Variants in CEP57L1 observed in about 807,000 individuals in gnomAD.
CEP57L1 encodes the protein centrosomal protein 57 like 1, also known as centrosomal protein CEP57L1.
In CEP57L1, 37 loss-of-function variants were observed where a neutral mutation model predicts 61.0. That is an observed-to-expected ratio of 0.61 (90% CI 0.47 to 0.80). The LOEUF is 0.80. Among genes scored for constraint, CEP57L1 ranks in the 30% least tolerant of loss-of-function variants. The pLI, the probability that CEP57L1 is intolerant of heterozygous loss-of-function variation, is 0.00. For missense variants in CEP57L1, 422 were observed against 524.7 expected, an observed-to-expected ratio of 0.80 and a Z score of 1.91; for synonymous variants, 137 against 162.3, an observed-to-expected ratio of 0.84 and a Z score of 1.19.
chr6:109,113,127 T>C (rs191837795), intron 1 of CEP57L1, among the ~76,000 whole-genome samples: 183 of 152,256 alleles, frequency 1.2e-3, no homozygotes, highest in African/African-American at 4.2e-3. Flanking sequence ...TCTCCCACTG[T>C]TATTGTGTGG....
chr6:109,095,191 C>G, upstream of CEP57L1: 1 of 985,510 alleles, frequency 1.0e-6, no homozygotes, highest in Non-Finnish European at 1.2e-6. Context: ...TAAGCTTGCG[C>G]CCTGAGGCGG....
intron 1 of CEP57L1, among the ~76,000 whole-genome samples, chr6:109,144,411 A>G (rs1291396670): frequency 6.6e-6 from 1 of 152,148 alleles, no homozygotes; most frequent in African/African-American, 2.4e-5. Context: ...ATTTTTTTGT[A>G]AGCAGTTATC....
chr6:109,146,407 T>C (rs1451422796), intron 2 of CEP57L1, among the ~76,000 whole-genome samples: 2 of 151,992 alleles, frequency 1.3e-5, no homozygotes, highest in African/African-American at 4.8e-5. Context: ...AATTATATTT[T>C]AATGTTCTTA....
At position 109,163,090 on chromosome 6, in the gene CEP57L1, C is replaced by T. The variant is rs2114972120; in HGVS notation, c.*120C>T. 5.9e-6 allele frequency: 4 copies of T among 673,508 alleles called. No individual in the cohort carries two copies. The highest frequency in any genetic ancestry group is 1.0e-5 in the Non-Finnish European group (4 of 399,562). 41.7% of individuals were successfully genotyped at this position (673,508 alleles called of 1,614,324 possible). A position where few individuals can be genotyped will look rare whatever the true frequency, so the allele number is the denominator to read the frequency against. On this transcript the variant is annotated 3_prime_UTR_variant, in exon 11 of 11. Transcript: ENST00000517392. The stretch of plus-strand genomic sequence containing the variant: ...AATCATGTTTCTAGTTTCTATAAAA[C>T]ATGAAGTTGCAGTATTTAAAAATTA...
chr6:109,128,704 A>G (rs781193388), intron 1 of CEP57L1, among the ~76,000 whole-genome samples: 1 of 152,146 alleles, frequency 6.6e-6, no homozygotes, highest in Admixed American at 6.5e-5. Context: ...TACTGCCAAC[A>G]TTTATTCACT....
chr6:109,109,009 C>CT, intron 1 of CEP57L1, among the ~76,000 whole-genome samples: 1 of 152,198 alleles, frequency 6.6e-6, no homozygotes, highest in East Asian at 1.9e-4. Flanking sequence ...GTCTCTTTCT[C>CT]TTCCTTTACT....
rs143748684 is a variant in CEP57L1 at position 109,155,294 on chromosome 6, A to G, written c.644A>G (p.Asp215Gly). The G allele has an allele frequency of 8.2e-5, 129 of 1,580,262 alleles. No homozygotes were observed. The highest frequency in any genetic ancestry group is 1.0e-4 in the Non-Finnish European group (121 of 1,158,998). Reference sequence around the variant, plus strand: ...GAACATCAGCGTAAGCTATTTCAAGACAAAGCTTCTGAGGTAAATATAGCA... The same window carrying G: ...GAACATCAGCGTAAGCTATTTCAAGGCAAAGCTTCTGAGGTAAATATAGCA... ...EEEHQRKLFQ[D>G]KASELQTGLE... Residue 215 changes from aspartate to glycine, a missense_variant, in exon 6 of 11, where the codon GAC becomes GGC. Physicochemically the swap from Asp to Gly is moderately conservative, Grantham distance 94 (BLOSUM62 -1). Transcript: ENST00000517392.
At chr6:109,111,960 A>G (rs1771686371) in intron 1 of CEP57L1, among the ~76,000 whole-genome samples, 1 of 152,206 alleles carries the variant, frequency 6.6e-6, no homozygotes, top group Non-Finnish European at 1.5e-5. Context: ...ATCAATGTTC[A>G]TCAGGGATAT....
intron 2 of CEP57L1, 24 bp from the exon 3 acceptor site, chr6:109,146,734 A>T: frequency 6.7e-7 from 1 of 1,491,550 alleles, no homozygotes; most frequent in Non-Finnish European, 9.0e-7. Context: ...CACTTAAAAT[A>T]TCAACAAAAT....
At chr6:109,096,920 A>G (rs1178976454) in intron 1 of CEP57L1, among the ~76,000 whole-genome samples, 1 of 152,090 alleles carries the variant, frequency 6.6e-6, no homozygotes, top group East Asian at 1.9e-4. Flanking sequence ...AACACCTATG[A>G]CTCTCAAATG....
intron 2 of CEP57L1, among the ~76,000 whole-genome samples, chr6:109,145,616 T>C (rs1451864434): frequency 2.6e-5 from 4 of 151,914 alleles, no homozygotes. Flanking sequence ...AGAGTTATCA[T>C]AAAAACATCA....
rs180770023 is a variant in CEP57L1, at chr6:109,134,180, T to C, written c.-3-11039T>C. ...AATCCTCAATATAATACTGGCAAAC[T>C]GAATCCAGCAACACATCAAAAAACT... On this transcript the variant is annotated intron_variant, in intron 1 of 10. Coordinates refer to ENST00000517392, the MANE Select transcript of CEP57L1 (RefSeq NM_001271852.3). Among the ~76,000 whole-genome samples, 1,259 of 152,220 alleles carry C rather than the reference T, an allele frequency of 8.3e-3. 23 individuals are homozygous for C. Among genetic ancestry groups the C allele is most frequent in the African/African-American group, 0.029 (1,209 of 41,520 alleles).
chr6:109,143,191 T>C (rs1035291741), intron 1 of CEP57L1, among the ~76,000 whole-genome samples: 1 of 152,182 alleles, frequency 6.6e-6, no homozygotes, highest in Non-Finnish European at 1.5e-5. Context: ...AACCCACATA[T>C]GAGTCCATGG....
intron 1 of CEP57L1, among the ~76,000 whole-genome samples, chr6:109,117,042 A>T (rs1255091085): frequency 6.6e-6 from 1 of 152,222 alleles, no homozygotes; most frequent in Non-Finnish European, 1.5e-5. Flanking sequence ...ATATTTTAAT[A>T]ATCTGAGATT....
rs150787542 is a variant in CEP57L1, at chr6:109,110,369, C to T, written c.-4+14794C>T. ...GAGAAGTGTCTGTTCATATCCTTCA[C>T]CCACTTTTTGACATGGTTGTTTGAT... On this transcript the variant is annotated intron_variant, in intron 1 of 10. Transcript: ENST00000517392. Among the ~76,000 whole-genome samples the T allele has an allele frequency of 8.3e-3, 1,265 of 152,296 alleles. 23 individuals carry two copies. The highest frequency in any genetic ancestry group is 0.029 in the African/African-American group (1,212 of 41,556).
intron 10 of CEP57L1, among the ~76,000 whole-genome samples, chr6:109,162,547 C>CT (rs1773812463): frequency 6.6e-6 from 1 of 151,934 alleles, no homozygotes; most frequent in African/African-American, 2.4e-5. Flanking sequence ...AAAGTAAGAG[C>CT]TTTTTTCTCA....
intron 1 of CEP57L1, among the ~76,000 whole-genome samples, chr6:109,096,446 T>C (rs1378673572): frequency 6.6e-6 from 1 of 152,032 alleles, no homozygotes; most frequent in Non-Finnish European, 1.5e-5. Flanking sequence ...CCAGGGGAAA[T>C]GAAGACCAAA....
In CEP57L1 at chr6:109,104,322, A is replaced by T. The variant is rs530024147; in HGVS notation, c.-4+8747A>T. Among the ~76,000 whole-genome samples the T allele has an allele frequency of 5.9e-5, 9 of 151,916 alleles. 1 individual carries two copies. In the South Asian group the frequency reaches 1.2e-3, roughly 21 times the overall value. ...TTAATGTATATTTATTTAAAAAAAAAATTTTTTTCTGTTGCAATCAGTGCA... is the reference window on the plus strand; with the variant it reads ...TTAATGTATATTTATTTAAAAAAAATATTTTTTTCTGTTGCAATCAGTGCA... On this transcript the variant is annotated intron_variant, in intron 1 of 10. Coordinates refer to ENST00000517392, the MANE Select transcript of CEP57L1 (RefSeq NM_001271852.3).
chr6:109,151,311 T>G (rs1772591090), intron 4 of CEP57L1, among the ~76,000 whole-genome samples: 2 of 152,180 alleles, frequency 1.3e-5, no homozygotes, highest in African/African-American at 4.8e-5. Flanking sequence ...TGAAGAAGAA[T>G]AAGATGAAAG....
Sources: gnomAD v4.1 joint callset for allele counts (sites outside exome capture counted in the v4.1 genomes callset) on GRCh38, gnomAD v4.1.1 for gene constraint, MANE v1.5 for transcripts, NCBI Gene and HGNC (gene_info 2026-07-23, HGNC 2026-07-21) for gene names.